SMC6: variants seen among roughly 807,000 people sequenced by gnomAD.
SMC6 encodes structural maintenance of chromosomes protein 6.
In SMC6, 79 loss-of-function variants were observed where a neutral mutation model predicts 142.2. That is an observed-to-expected ratio of 0.56 (90% CI 0.46 to 0.67). SMC6 has a LOEUF of 0.67. Ranked by LOEUF, SMC6 falls within the 30% of genes least tolerant of loss-of-function variation. The pLI is 0.00. For missense variants in SMC6, 1,072 were observed against 1,284.0 expected, an observed-to-expected ratio of 0.83 and a Z score of 2.52; for synonymous variants, 411 against 412.4, an observed-to-expected ratio of 1.00 and a Z score of 0.04.
intron 18 of SMC6, among the ~76,000 whole-genome samples, chr2:17,706,298 A>T (rs1668502093): frequency 6.6e-6 from 1 of 152,158 alleles, no homozygotes; most frequent in South Asian, 2.1e-4. Flanking sequence ...TTTGTAACTG[A>T]AAACTGCATT....
chr2:17,677,148 C>T (rs1667026916), intron 25 of SMC6, among the ~76,000 whole-genome samples: 1 of 152,120 alleles, frequency 6.6e-6, no homozygotes. Flanking sequence ...AGCACGCAGT[C>T]TTTATTACCT....
Position 17,721,254 on chromosome 2 carries a change from G to A in SMC6, c.734C>T (p.Thr245Ile), listed in dbSNP as rs1346125916. 1.9e-6 allele frequency: 3 copies of A among 1,572,036 alleles called. No homozygotes were observed. Among genetic ancestry groups the A allele is most frequent in the Non-Finnish European group, 2.6e-6 (3 of 1,167,212 alleles). The change falls in exon 10 of 28, where the codon ACT becomes ATT. Residue 245 changes from threonine to isoleucine, a missense_variant. This residue lies in a region of SMC6 where 994 missense variants were observed against 1,153.2 expected (regional missense o/e 0.86). Coordinates refer to ENST00000448223, the MANE Select transcript of SMC6 (RefSeq NM_001142286.2). ...EQIHQGEERL[T>I]ELKRQCVEKE... ...CTCTACACACTGGCGCTTTAGTTCA[G>A]TAAGCCGCTTAAAAAAAGAAAACAG...
chr2:17,677,876 C>T (rs1294691662), intron 25 of SMC6, among the ~76,000 whole-genome samples: 1 of 151,986 alleles, frequency 6.6e-6, no homozygotes, highest in Admixed American at 6.6e-5. Flanking sequence ...AAAGATGTTC[C>T]AAAAATTTAA....
In SMC6 at chr2:17,674,791, T is replaced by A. The variant is rs78944043; in HGVS notation, c.2910+4068A>T. Among the ~76,000 whole-genome samples the A allele has an allele frequency of 1.5e-4, 23 of 152,242 alleles. No homozygotes were observed. In the East Asian group the frequency reaches 4.2e-3, roughly 28 times the overall value. On this transcript the variant is annotated intron_variant, in intron 25 of 27. Coordinates refer to ENST00000448223, the MANE Select transcript of SMC6 (RefSeq NM_001142286.2). ...ATGGCCCTTTTGGCCTCTAGTAATATTTCTTGCATAAAGTCTATTTTGTTA... is the reference window on the plus strand; with the variant it reads ...ATGGCCCTTTTGGCCTCTAGTAATAATTCTTGCATAAAGTCTATTTTGTTA...
Position 17,716,888 on chromosome 2 carries a change from T to A in SMC6, c.1199A>T (p.Glu400Val). The A allele has an allele frequency of 2.5e-6, 4 of 1,610,104 alleles. No individual in the cohort carries two copies. The highest frequency in any genetic ancestry group is 3.4e-6 in the Non-Finnish European group (4 of 1,179,024). Residue 400 changes from glutamate to valine, a missense_variant, in exon 14 of 28, where the codon GAA (glutamate) becomes GTA (valine). Around this residue, in one of 3 missense-constraint regions of SMC6, gnomAD observed 994 missense variants for 1,153.2 expected, o/e 0.86. Transcript: ENST00000448223. The stretch of plus-strand genomic sequence containing the variant: ...TTTTTGTCTTTCCAACCGTTCAGGT[T>A]CCAAAGATTGGTCAGTACTAACAGT... ...ELKKSTDQSL[E>V]PERLERQKKI...
intron 5 of SMC6, among the ~76,000 whole-genome samples, chr2:17,733,222 T>C (rs985329757): frequency 6.6e-6 from 1 of 152,220 alleles, no homozygotes; most frequent in Non-Finnish European, 1.5e-5. Flanking sequence ...TCATTGTGAA[T>C]TACTGCTAAG....
intron 12 of SMC6, among the ~76,000 whole-genome samples, 190 bp downstream of exon 12, chr2:17,717,887 A>T (rs1434879710): frequency 6.7e-6 from 1 of 150,282 alleles, no homozygotes. Flanking sequence ...CAGGTGGCCG[A>T]GGTGGGAGGA....
intron 1 of SMC6, among the ~76,000 whole-genome samples, chr2:17,753,356 T>C (rs1407052419): frequency 1.3e-5 from 2 of 152,080 alleles, no homozygotes; most frequent in Non-Finnish European, 2.9e-5. Flanking sequence ...GACGGCCGCC[T>C]GGGAGGGGAC....
intron 23 of SMC6, among the ~76,000 whole-genome samples, chr2:17,690,874 G>A (rs1667675998): frequency 6.6e-6 from 1 of 151,694 alleles, no homozygotes; most frequent in Admixed American, 6.6e-5. Flanking sequence ...AGGAAAACAG[G>A]CACTCTAACA....
Position 17,685,869 on chromosome 2 carries a change from T to G in SMC6, c.2679-2106A>C, listed in dbSNP as rs1212050694. On this transcript the variant is annotated intron_variant, in intron 23 of 27. Transcript: ENST00000448223. Reference sequence around the variant, plus strand: ...GAAATCAAGAGAAAAATCTGCAATATTTGGCTAATACTCCATATATATCTA... The same window carrying G: ...GAAATCAAGAGAAAAATCTGCAATAGTTGGCTAATACTCCATATATATCTA... Among the ~76,000 whole-genome samples, 4 of 151,998 alleles carry G rather than the reference T, an allele frequency of 2.6e-5. 1 individual carries two copies. Among genetic ancestry groups the G allele is most frequent in the Middle Eastern group, 3.4e-3 (1 of 294 alleles).
chr2:17,749,299 T>C (rs573130023), intron 2 of SMC6, among the ~76,000 whole-genome samples: 8 of 152,220 alleles, frequency 5.3e-5, no homozygotes, highest in Admixed American at 1.3e-4. Flanking sequence ...TACTTATTTA[T>C]AATTTAAAAA....
At chr2:17,674,550 T>C (rs1666918008) in intron 25 of SMC6, among the ~76,000 whole-genome samples, 1 of 152,176 alleles carries the variant, frequency 6.6e-6, no homozygotes, top group South Asian at 2.1e-4. Flanking sequence ...GTTCTGCCAA[T>C]TAATTTGGTT....
rs114214175 is a variant in SMC6, at chr2:17,689,459, G to A, written c.2678+5693C>T. On this transcript the variant is annotated intron_variant, in intron 23 of 27. Coordinates refer to ENST00000448223, the MANE Select transcript of SMC6 (RefSeq NM_001142286.2). ...ATGTAAGATAATACTCTTATTCTTA[G>A]GGAATATATTGAAGTACTAAGAGGT... Among the ~76,000 whole-genome samples the A allele has an allele frequency of 7.2e-3, 1,093 of 152,148 alleles. 10 individuals carry two copies. Among genetic ancestry groups the A allele is most frequent in the South Asian group, 0.026 (123 of 4,818 alleles).
chr2:17,697,723 T>C (rs746978279), intron 21 of SMC6, among the ~76,000 whole-genome samples: 110 of 152,148 alleles, frequency 7.2e-4, no homozygotes, highest in Middle Eastern at 3.4e-3. Flanking sequence ...TGTGGAGAAA[T>C]TGGGACATTC....
At chr2:17,749,608 A>C (rs1056927078) in intron 2 of SMC6, among the ~76,000 whole-genome samples, 1 of 152,162 alleles carries the variant, frequency 6.6e-6, no homozygotes, top group Non-Finnish European at 1.5e-5. Context: ...GAATGGCTTA[A>C]ACCCAGGAGG....
intron 23 of SMC6, among the ~76,000 whole-genome samples, chr2:17,689,355 C>T (rs901313687): frequency 1.3e-5 from 2 of 152,086 alleles, no homozygotes; most frequent in East Asian, 1.9e-4. Flanking sequence ...GTAGGAAAGA[C>T]GTGGAGAACC....
rs958604773 is a variant in SMC6, at chr2:17,729,921, A to G, written c.543+1157T>C. On this transcript the variant is annotated intron_variant, in intron 7 of 27. Coordinates refer to ENST00000448223, the MANE Select transcript of SMC6 (RefSeq NM_001142286.2). ...AGCATAGATACAGGACACTTCCACCATCACAGAAAGTTCTGTACCCTCTGT... is the reference window on the plus strand; with the variant it reads ...AGCATAGATACAGGACACTTCCACCGTCACAGAAAGTTCTGTACCCTCTGT... 2.6e-5 allele frequency among the ~76,000 whole-genome samples: 4 copies of G among 152,324 alleles called. No individual in the cohort carries two copies. The South Asian group carries it at 8.3e-4, about 32-fold the overall frequency.
At chr2:17,749,822 C>G (rs1670938844) in intron 2 of SMC6, among the ~76,000 whole-genome samples, 1 of 151,952 alleles carries the variant, frequency 6.6e-6, no homozygotes, top group African/African-American at 2.4e-5. Flanking sequence ...CCTATTAATA[C>G]CAAATTAGGA....
In SMC6 at chr2:17,718,161, A is replaced by G. The variant is rs1433174030; in HGVS notation, c.1008T>C (p.Ser336=). The G allele has an allele frequency of 3.1e-6, 5 of 1,611,340 alleles. No individual in the cohort carries two copies. The highest frequency in any genetic ancestry group is 4.2e-6 in the Non-Finnish European group (5 of 1,178,472). The part of the protein sequence containing the change: ...KDIQDKLEKI[S]EETNARAPEC... ...CTGGTGCTCGTGCATTTGTCTCTTC[A>G]CTAATCTTTTCTAGTTTGTCTTGAA... Residue 336 remains serine (S), a synonymous_variant, in exon 12 of 28, where the codon AGT becomes AGC. Coordinates refer to ENST00000448223, the MANE Select transcript of SMC6 (RefSeq NM_001142286.2).
Sources: gnomAD v4.1 joint callset for allele counts (sites outside exome capture counted in the v4.1 genomes callset) on GRCh38, gnomAD v4.1.1 for gene constraint, gnomAD v4.1.1 regional missense constraint, MANE v1.5 for transcripts, NCBI Gene and HGNC (gene_info 2026-07-23, HGNC 2026-07-21) for gene names.